RBM27: variants seen among roughly 807,000 people sequenced by gnomAD.
RBM27 encodes the protein RNA binding motif protein 27.
A neutral mutation model predicts 135.3 loss-of-function variants in RBM27; 22 were observed. That is an observed-to-expected ratio of 0.16 (90% confidence interval 0.12 to 0.23). RBM27 has a LOEUF of 0.23. Ranked by LOEUF, RBM27 falls within the 10% of genes least tolerant of loss-of-function variation. The pLI is 1.00. For synonymous variants in RBM27, 481 were observed against 442.4 expected, an observed-to-expected ratio of 1.09 and a Z score of -1.10; for missense variants, 1,009 against 1,281.0, an observed-to-expected ratio of 0.79 and a Z score of 3.24.
intron 8 of RBM27, among the ~76,000 whole-genome samples, chr5:146,248,132 A>C (rs68040240): frequency 6.6e-6 from 1 of 151,586 alleles, no homozygotes; most frequent in Non-Finnish European, 1.5e-5. Flanking sequence ...TGAACTCATG[A>C]ATTTTTAACA....
chr5:146,273,367 T>C (rs1758950204), intron 19 of RBM27, among the ~76,000 whole-genome samples: 1 of 152,188 alleles, frequency 6.6e-6, no homozygotes, highest in Non-Finnish European at 1.5e-5. Context: ...TTTATGTACA[T>C]ATACCTGACA....
At chr5:146,236,450 CA>C (rs1422471886) in intron 7 of RBM27, among the ~76,000 whole-genome samples, 1 of 152,190 alleles carries the variant, frequency 6.6e-6, no homozygotes, top group Non-Finnish European at 1.5e-5. Flanking sequence ...TAGAGGCAAC[CA>C]GTCCTGCCTT....
rs780867040 is a variant in RBM27, at chr5:146,271,590, CATG to C, written c.2905_2907del (p.Met969del). 45 of 1,613,630 alleles carry C rather than the reference CATG, an allele frequency of 2.8e-5. No individual in the cohort carries two copies. In the South Asian group the frequency reaches 3.5e-4, roughly 13 times the overall value. ...GAAGAGGAAGGGGCTCACTAAATCA[CATG>C]GTGGTGGACCATCGTCCCAAAGCAC... On this transcript the variant is annotated inframe_deletion, in exon 19 of 21. Transcript: ENST00000265271.
At chr5:146,208,707 G>A (rs1341589625) in intron 1 of RBM27, among the ~76,000 whole-genome samples, 1 of 152,140 alleles carries the variant, frequency 6.6e-6, no homozygotes, top group Non-Finnish European at 1.5e-5. Flanking sequence ...CCCCTTTAAA[G>A]TAAGGTTCTG....
chr5:146,280,117 G>A (rs1232542774), intron 19 of RBM27, among the ~76,000 whole-genome samples: 1 of 151,324 alleles, frequency 6.6e-6, no homozygotes, highest in Non-Finnish European at 1.5e-5. Flanking sequence ...GGAGTGCAGT[G>A]GTACGATCTC....
chr5:146,279,941 A>G (rs938421062), intron 19 of RBM27, among the ~76,000 whole-genome samples: 1 of 152,184 alleles, frequency 6.6e-6, no homozygotes, highest in African/African-American at 2.4e-5. Context: ...GAAAACATAT[A>G]TAAAGCTTCT....
intron 1 of RBM27, among the ~76,000 whole-genome samples, chr5:146,214,262 A>G (rs963055460): frequency 6.6e-6 from 1 of 151,862 alleles, no homozygotes; most frequent in African/African-American, 2.4e-5. Flanking sequence ...GTCTAGAGAC[A>G]TGTGTATTTT....
chr5:146,247,864 T>C (rs1457063779), intron 8 of RBM27, among the ~76,000 whole-genome samples: 2 of 152,186 alleles, frequency 1.3e-5, no homozygotes, highest in African/African-American at 4.8e-5. Context: ...TAAAACTTGC[T>C]TGATGGTTTC....
At chr5:146,239,449 A>T (rs1757304168) in intron 8 of RBM27, among the ~76,000 whole-genome samples, 1 of 140,990 alleles carries the variant, frequency 7.1e-6, no homozygotes, top group Non-Finnish European at 1.5e-5. Flanking sequence ...TAGGACTTCT[A>T]ACTCCTTTTT....
rs1179944246 is a variant in RBM27 at position 146,221,889 on chromosome 5, A to C, written c.179-1514A>C. 1.0e-4 allele frequency among the ~76,000 whole-genome samples: 10 copies of C among 96,848 alleles called. No individual in the cohort carries two copies. The Admixed American group carries it at 1.3e-3, about 12-fold the overall frequency. The allele number at this position is 96,848 out of a possible 152,430, so 63.5% of individuals were successfully genotyped here. On this transcript the variant is annotated intron_variant, in intron 2 of 20. Transcript: ENST00000265271. ...TATTAAGTGAACATACTCTTTTATA[A>C]TAACATTTTAAAAATTTAATAGTGT... is the stretch of plus-strand genomic sequence containing the variant.
At chr5:146,205,126 G>A (rs1716401828) in intron 1 of RBM27, among the ~76,000 whole-genome samples, 1 of 152,232 alleles carries the variant, frequency 6.6e-6, no homozygotes, top group South Asian at 2.1e-4. Flanking sequence ...TCGAACTCCT[G>A]ACTTCAGGTG....
chr5:146,250,673 C>T (rs1757843516), intron 8 of RBM27, among the ~76,000 whole-genome samples: 2 of 151,196 alleles, frequency 1.3e-5, no homozygotes, highest in African/African-American at 4.9e-5. Flanking sequence ...ATATATAAAT[C>T]CTAAATGTGT....
Position 146,286,180 on chromosome 5 carries a change from C to T in RBM27, c.*150C>T. 1.7e-6 allele frequency: 1 copy of T among 600,612 alleles called. No homozygotes were observed. Among genetic ancestry groups the T allele is most frequent in the South Asian group, 2.1e-5 (1 of 47,428 alleles). The allele number at this position is 600,612 out of a possible 1,614,324, so 37.2% of individuals were successfully genotyped here. On this transcript the variant is annotated 3_prime_UTR_variant, in exon 21 of 21. Transcript: ENST00000265271. Reference sequence around the variant, plus strand: ...AAGAACAGCAAGTTTGCTATTTAAACACATCTCATAACTGTACATGATATT... The same window carrying T: ...AAGAACAGCAAGTTTGCTATTTAAATACATCTCATAACTGTACATGATATT...
intron 10 of RBM27, 70 bp from the exon 11 acceptor site, chr5:146,258,379 T>A: frequency 7.7e-7 from 1 of 1,299,128 alleles, no homozygotes; most frequent in South Asian, 2.3e-5. Flanking sequence ...AGTTTTTAGC[T>A]TTTAGACTAA....
At chr5:146,248,419 G>A (rs191645851) in intron 8 of RBM27, among the ~76,000 whole-genome samples, 1 of 152,156 alleles carries the variant, frequency 6.6e-6, no homozygotes, top group African/African-American at 2.4e-5. Context: ...AGTAGGAATT[G>A]TTTAAGAAAG....
intron 12 of RBM27, chr5:146,261,258 A>G (rs1758383803): frequency 3.6e-6 from 2 of 559,046 alleles, no homozygotes; most frequent in Non-Finnish European, 6.3e-6. Context: ...AGACAGAGAA[A>G]GAGAAAGAGG....
intron 2 of RBM27, among the ~76,000 whole-genome samples, chr5:146,219,379 T>G (rs773714535): frequency 6.6e-6 from 1 of 152,230 alleles, no homozygotes; most frequent in Non-Finnish European, 1.5e-5. Flanking sequence ...GCCTACTTGA[T>G]GATTGAGGGG....
intron 3 of RBM27, among the ~76,000 whole-genome samples, chr5:146,225,885 C>CA (rs777249475): frequency 6.6e-6 from 1 of 151,428 alleles, no homozygotes; most frequent in Non-Finnish European, 1.5e-5. Flanking sequence ...TTTTTTTAGA[C>CA]AGAGTCTCAT....
Position 146,229,795 on chromosome 5 carries a change from G to T in RBM27, c.474G>T (p.Glu158Asp). ...ATGAGCGGAATGAATTGTACCGTGA[G>T]AAGTATGACTGGAGAAGAGGCAGGA... ...RYYERNELYR[E>D]KYDWRRGRSK... is the part of the protein sequence containing the mutation. The change falls in exon 5 of 21, where the codon GAG becomes GAT. Residue 158 changes from glutamate to aspartate, a missense_variant. Physicochemically the swap from Glu to Asp is conservative, Grantham distance 45. Transcript: ENST00000265271. 1 of 1,613,916 alleles carries T rather than the reference G, an allele frequency of 6.2e-7. No individual in the cohort carries two copies. The highest frequency in any genetic ancestry group is 8.5e-7 in the Non-Finnish European group (1 of 1,179,926).
Sources: allele counts gnomAD v4.1 joint callset (sites outside exome capture counted in the v4.1 genomes callset), GRCh38; gene constraint gnomAD v4.1.1; transcripts MANE v1.5; gene names NCBI Gene and HGNC (gene_info 2026-07-23, HGNC 2026-07-21).